Variants in MVB12B observed in about 807,000 individuals in gnomAD.
MVB12B encodes the protein ESCRT-I complex subunit MVB12B.
In MVB12B, 16 loss-of-function variants were observed where a neutral mutation model predicts 41.6. The ratio of observed to expected loss-of-function variants is 0.38; its 90% CI spans 0.26 to 0.58. The LOEUF is 0.58. MVB12B is among the 20% of genes least tolerant of loss of function. MVB12B has a pLI of 0.62. For synonymous variants in MVB12B, 133 were observed against 139.7 expected, an observed-to-expected ratio of 0.95 and a Z score of 0.34; for missense variants, 274 against 380.2, an observed-to-expected ratio of 0.72 and a Z score of 2.32.
At chr9:126,339,365 G>A (rs868806645) in intron 1 of MVB12B, among the ~76,000 whole-genome samples, 4 of 152,364 alleles carry the variant, frequency 2.6e-5, no homozygotes, top group African/African-American at 9.6e-5. Context: ...CCTGCAGCCA[G>A]TGGAGTTTAA....
In MVB12B at chr9:126,376,776, A is replaced by G. The variant is rs1830493100; in HGVS notation, c.205-4288A>G. On this transcript the variant is annotated intron_variant, in intron 2 of 9. Coordinates refer to ENST00000361171, the MANE Select transcript of MVB12B (RefSeq NM_033446.3). The surrounding 1 kb of genome is among the most constrained non-coding windows in gnomAD (Gnocchi z 4.1). ...CTCCTTCCCCACCTGCCGGGCTTGT[A>G]GAGTCCTGAGCTGTGCTGGGTTCCT... 27 of 1,206,918 alleles carry G rather than the reference A, an allele frequency of 2.2e-5. No homozygotes were observed. The South Asian group carries it at 3.4e-4, about 15-fold the overall frequency. The allele number at this position is 1,206,918 out of a possible 1,614,324, so 74.8% of individuals were successfully genotyped here.
intron 7 of MVB12B, chr9:126,426,778 G>A (rs1178350826): frequency 6.6e-6 from 1 of 152,208 alleles, no homozygotes; most frequent in Non-Finnish European, 1.5e-5. Context: ...AGGTTCTGAG[G>A]CAGAGGGCTG....
At chr9:126,393,057 C>A (rs1831005683) in intron 5 of MVB12B, among the ~76,000 whole-genome samples, 1 of 152,222 alleles carries the variant, frequency 6.6e-6, no homozygotes, top group South Asian at 2.1e-4. Context: ...CCGTTTGTGT[C>A]TTGTTCCTCC....
At chr9:126,368,243 A>T (rs1830237283) in intron 2 of MVB12B, among the ~76,000 whole-genome samples, 1 of 152,230 alleles carries the variant, frequency 6.6e-6, no homozygotes, top group Non-Finnish European at 1.5e-5. Context: ...AGCCAAGGCC[A>T]CACAGCCACT....
In MVB12B at chr9:126,391,789, A is replaced by G. The variant is rs1436653311; in HGVS notation, c.410-277A>G. The stretch of plus-strand genomic sequence containing the variant: ...GGTTTCTGATGGCTGAGCAGTGAGC[A>G]GATTGTGGTTGCGGCTCTTAGAAGC... On this transcript the variant is annotated intron_variant, in intron 4 of 9. Transcript: ENST00000361171. The surrounding 1 kb of genome is among the most constrained non-coding windows in gnomAD (Gnocchi z 4.4). Among the ~76,000 whole-genome samples, 2 of 152,226 alleles carry G rather than the reference A, an allele frequency of 1.3e-5. No individual in the cohort carries two copies. Among genetic ancestry groups the G allele is most frequent in the African/African-American group, 4.8e-5 (2 of 41,460 alleles).
intron 7 of MVB12B, among the ~76,000 whole-genome samples, chr9:126,452,867 C>T (rs1832910642): frequency 6.6e-6 from 1 of 152,040 alleles, no homozygotes; most frequent in South Asian, 2.1e-4. Flanking sequence ...ACTTCATGGC[C>T]CTTTATTTTC....
intron 6 of MVB12B, among the ~76,000 whole-genome samples, chr9:126,415,388 C>A (rs914963141): frequency 2.6e-5 from 4 of 151,894 alleles, no homozygotes; most frequent in East Asian, 3.9e-4. Flanking sequence ...AATAAAGAGT[C>A]TTCTAAAATA....
chr9:126,374,665 G>A (rs930803572), intron 2 of MVB12B, among the ~76,000 whole-genome samples: 1 of 152,190 alleles, frequency 6.6e-6, no homozygotes, highest in Non-Finnish European at 1.5e-5. Context: ...GTTCAGTTTT[G>A]GTGGACTGTA....
intron 6 of MVB12B, among the ~76,000 whole-genome samples, chr9:126,421,271 C>T (rs1305549706): frequency 6.6e-6 from 1 of 152,222 alleles, no homozygotes; most frequent in Admixed American, 6.5e-5. Context: ...TGAGCACCTA[C>T]TGTGTGCGCT....
intron 7 of MVB12B, among the ~76,000 whole-genome samples, chr9:126,462,147 C>A (rs184205130): frequency 2.0e-5 from 3 of 152,168 alleles, no homozygotes; most frequent in Non-Finnish European, 4.4e-5. Flanking sequence ...TCGATAGATA[C>A]AAGAGTAATT....
intron 7 of MVB12B, among the ~76,000 whole-genome samples, chr9:126,471,349 G>A (rs1000266743): frequency 3.3e-5 from 5 of 152,354 alleles, no homozygotes; most frequent in East Asian, 1.9e-4. Context: ...CCAGCTCGGC[G>A]TTCACACGTG....
chr9:126,350,640 A>C (rs905961989), intron 2 of MVB12B, among the ~76,000 whole-genome samples: 24 of 152,112 alleles, frequency 1.6e-4, no homozygotes, highest in African/African-American at 5.8e-4. Flanking sequence ...GCTAGCTCAG[A>C]TCTCTTCCTC....
intron 7 of MVB12B, among the ~76,000 whole-genome samples, chr9:126,426,387 C>T (rs1025570416): frequency 2.6e-5 from 4 of 152,128 alleles, no homozygotes; most frequent in East Asian, 1.9e-4. Context: ...TTTGGTTTTT[C>T]GAGCATGCCT....
intron 2 of MVB12B, among the ~76,000 whole-genome samples, chr9:126,374,557 C>T (rs1030865279): frequency 1.3e-5 from 2 of 152,172 alleles, no homozygotes; most frequent in African/African-American, 4.8e-5. Flanking sequence ...GGCCAGGTCC[C>T]GAAAGGTTTG....
At chr9:126,481,933 A>G (rs1833531821) in intron 8 of MVB12B, among the ~76,000 whole-genome samples, 1 of 152,262 alleles carries the variant, frequency 6.6e-6, no homozygotes, top group Non-Finnish European at 1.5e-5. Context: ...TCTGACACGG[A>G]GGCCGCCATG....
At position 126,389,316 on chromosome 9, in the gene MVB12B, G is replaced by A. The variant is rs1480423336; in HGVS notation, c.409+2658G>A. ...CCTTATGATCAGCTCTGTATCATCT[G>A]AGAGTATTCAAGACCCTGATTTTAT... is the stretch of plus-strand genomic sequence containing the variant. On this transcript the variant is annotated intron_variant, in intron 4 of 9. Coordinates refer to ENST00000361171, the MANE Select transcript of MVB12B (RefSeq NM_033446.3). The surrounding 1 kb of genome is among the most constrained non-coding windows in gnomAD (Gnocchi z 4.4). Among the ~76,000 whole-genome samples, 1 of 152,178 alleles carries A rather than the reference G, an allele frequency of 6.6e-6. No homozygotes were observed. Among genetic ancestry groups the A allele is most frequent in the Non-Finnish European group, 1.5e-5 (1 of 68,030 alleles).
chr9:126,338,931 A>G (rs1398670204), intron 1 of MVB12B, among the ~76,000 whole-genome samples: 1 of 152,214 alleles, frequency 6.6e-6, no homozygotes, highest in Non-Finnish European at 1.5e-5. Flanking sequence ...ATGCAGATAA[A>G]CCTGCCTGGT....
At chr9:126,448,627 TC>T (rs780968106) in intron 7 of MVB12B, among the ~76,000 whole-genome samples, 4 of 152,140 alleles carry the variant, frequency 2.6e-5, no homozygotes, top group African/African-American at 9.7e-5. Context: ...AAGCTTCCAA[TC>T]ATGGTGGAAG....
chr9:126,433,138 G>C (rs1444940856), intron 7 of MVB12B, among the ~76,000 whole-genome samples: 2 of 152,112 alleles, frequency 1.3e-5, no homozygotes, highest in African/African-American at 4.8e-5. Flanking sequence ...CTGTGCCTTT[G>C]TCTCCTTACC....
Sources: gnomAD v4.1 joint callset for allele counts (sites outside exome capture counted in the v4.1 genomes callset) on GRCh38, gnomAD v4.1.1 for gene constraint, Gnocchi (gnomAD v3.1) non-coding constraint, MANE v1.5 for transcripts, NCBI Gene and HGNC (gene_info 2026-07-23, HGNC 2026-07-21) for gene names.